CCDC187: variants seen among roughly 807,000 people sequenced by gnomAD.
CCDC187 encodes the protein coiled-coil domain containing 187, also known as coiled-coil domain-containing protein 187.
Under a neutral mutation model 38.0 loss-of-function variants are expected in CCDC187, and 32 were observed. That is an observed-to-expected ratio of 0.84 (90% confidence interval 0.64 to 1.13). The LOEUF is 1.13. CCDC187 is among the 50% of genes most tolerant of loss of function. The probability of loss-of-function intolerance (pLI) is 0.00; values close to 1 mark genes in which losing one functional copy is unlikely to be tolerated. For missense variants in CCDC187, 707 were observed against 786.8 expected, an observed-to-expected ratio of 0.90 and a Z score of 1.21; for synonymous variants, 333 against 347.9, an observed-to-expected ratio of 0.96 and a Z score of 0.48.
chr9:136,254,573 G>C lies in CCDC187; in HGVS notation c.5255C>G (p.Ser1752Ter). ...TTTGCTGGAGGCCTCTGACAGCTCTGACCCTGACCTTGGAGAGGGGATGTC... is the reference window on the plus strand; with the variant it reads ...TTTGCTGGAGGCCTCTGACAGCTCTCACCCTGACCTTGGAGAGGGGATGTC... ...FPDIPSPRSG[S>*]ELSEASSKVW... The change falls in exon 26 of 26, where the codon TCA (serine) becomes TGA (stop). Residue 1752 changes from serine (S) to a stop codon, truncating the protein, a stop_gained. Transcript: ENST00000638797. LOFTEE classifies it low-confidence loss of function (END_TRUNC). The C allele has an allele frequency of 4.1e-6, 4 of 985,566 alleles. No homozygotes were observed. The highest frequency in any genetic ancestry group is 4.8e-6 in the Non-Finnish European group (4 of 830,042). The allele number at this position is 985,566 out of a possible 1,614,324, so 61.1% of individuals were successfully genotyped here.
intron 10 of CCDC187, among the ~76,000 whole-genome samples, chr9:136,278,032 G>A (rs1451149208): frequency 6.6e-6 from 1 of 152,156 alleles, no homozygotes; most frequent in Non-Finnish European, 1.5e-5. Flanking sequence ...GCCACCTGGC[G>A]TGCACTGAGC....
In CCDC187 at chr9:136,289,912, C is replaced by CA. The variant is rs1295496177; in HGVS notation, c.2222+46_2222+47insT. On this transcript the variant is annotated intron_variant, in intron 7 of 25. Transcript: ENST00000638797. ...GCACCCAGAACTGTTCTTGGCCCCC[C>CA]CCAAGGCCCCGCCCGGCATGTGCAG... 63 of 392,190 alleles carry CA rather than the reference C, an allele frequency of 1.6e-4. No homozygotes were observed. The Admixed American group carries it at 1.7e-3, about 10-fold the overall frequency. The allele number at this position is 392,190 out of a possible 1,614,324, so 24.3% of individuals were successfully genotyped here.
In CCDC187 at chr9:136,256,276, C is replaced by T. The variant is rs1174729092; in HGVS notation, c.4551G>A (p.Leu1517=). The change falls in exon 24 of 26, where the codon CTG becomes CTA. Residue 1517 remains leucine (L), a synonymous_variant. Transcript: ENST00000638797. ...SMSEEGLESG[L]DFAESPVEES... is the part of the protein sequence containing the mutation. Reference sequence around the variant, plus strand: ...CCTCCACGGGGCTCTCAGCAAAATCCAGCCCCGATTCCAAGCCCTCTTCGC... The same window carrying T: ...CCTCCACGGGGCTCTCAGCAAAATCTAGCCCCGATTCCAAGCCCTCTTCGC... The T allele has an allele frequency of 1.0e-6, 1 of 985,488 alleles. No homozygotes were observed. Among genetic ancestry groups the T allele is most frequent in the Admixed American group, 6.1e-5 (1 of 16,272 alleles). 61.0% of individuals were successfully genotyped at this position (985,488 alleles called of 1,614,324 possible). A position where few individuals can be genotyped will look rare whatever the true frequency, so the allele number is the denominator to read the frequency against.
chr9:136,294,110 TCACA>T (rs1175055748), intron 4 of CCDC187, among the ~76,000 whole-genome samples: 26 of 52,226 alleles, frequency 5.0e-4, no homozygotes, highest in East Asian at 2.0e-3. Context: ...GTGCTCACAC[TCACA>T]CACTCTCACA....
At chr9:136,285,657 G>A (rs1322642266) in intron 8 of CCDC187, 51 bp from the exon 9 acceptor site, 3 of 399,504 alleles carry the variant, frequency 7.5e-6, no homozygotes, top group African/African-American at 6.2e-5. Flanking sequence ...GGGAGCACGG[G>A]ACGGGGGACC....
upstream of CCDC187, among the ~76,000 whole-genome samples, chr9:136,305,808 C>T (rs969552675): frequency 6.2e-4 from 95 of 152,356 alleles, no homozygotes; most frequent in Admixed American, 1.8e-3. Flanking sequence ...CGAGGTCCTG[C>T]GAGTTGCCCC....
Position 136,265,769 on chromosome 9 carries a change from G to T in CCDC187, c.3735+187C>A, listed in dbSNP as rs368155084. ...TACAGGACCACGCTCCACCCTGGCC[G>T]TGATGCCCTCTTGGGCCGTGGACAC... On this transcript the variant is annotated intron_variant, in intron 17 of 25. Transcript: ENST00000638797. The T allele has an allele frequency of 2.2e-4, 36 of 167,186 alleles. No homozygotes were observed. The Middle Eastern group carries it at 0.012, about 57-fold the overall frequency. The allele number at this position is 167,186 out of a possible 1,614,324, so 10.4% of individuals were successfully genotyped here. A position where few individuals can be genotyped will look rare whatever the true frequency, so the allele number is the denominator to read the frequency against.
At chr9:136,290,185 G>A (rs1454634956) in intron 6 of CCDC187, 132 bp from the exon 7 acceptor site, 6 of 397,540 alleles carry the variant, frequency 1.5e-5, no homozygotes, top group Admixed American at 8.8e-5. Flanking sequence ...TGCAGGAATC[G>A]GGGTCCCACT....
At chr9:136,298,232 CTG>C (rs1831582981) in intron 3 of CCDC187, among the ~76,000 whole-genome samples, 2 of 152,200 alleles carry the variant, frequency 1.3e-5, no homozygotes, top group African/African-American at 4.8e-5. Flanking sequence ...GAATGAATGA[CTG>C]GACGGGCCAG....
chr9:136,277,930 C>T (rs1830964902), intron 10 of CCDC187, among the ~76,000 whole-genome samples: 1 of 152,194 alleles, frequency 6.6e-6, no homozygotes, highest in Admixed American at 6.5e-5. Context: ...GCAGCTCAGC[C>T]ATGAACCACA....
rs1260113686 is a variant in CCDC187, at chr9:136,250,543, A to T, written c.*3051T>A. The T allele has an allele frequency of 2.9e-6, 1 of 349,262 alleles. No homozygotes were observed. Among genetic ancestry groups the T allele is most frequent in the South Asian group, 2.2e-5 (1 of 46,116 alleles). 21.6% of individuals were successfully genotyped at this position (349,262 alleles called of 1,614,324 possible). On this transcript the variant is annotated 3_prime_UTR_variant, in exon 26 of 26. Coordinates refer to ENST00000638797, the MANE Select transcript of CCDC187 (RefSeq NM_001378188.1). ...ATAAATCCAAAAGGGTCAGCAATAAATGGAAAAAAATAAAAAATCACAGAC... is the reference window on the plus strand; with the variant it reads ...ATAAATCCAAAAGGGTCAGCAATAATTGGAAAAAAATAAAAAATCACAGAC...
upstream of CCDC187, among the ~76,000 whole-genome samples, chr9:136,306,310 A>C (rs949290329): frequency 6.6e-5 from 10 of 152,060 alleles, no homozygotes; most frequent in Non-Finnish European, 1.0e-4. Context: ...CCGCAGCCAC[A>C]CTGCTCTCTC....
chr9:136,250,803 C>T lies in CCDC187; in HGVS notation c.*2791G>A, dbSNP rs986003785. On this transcript the variant is annotated 3_prime_UTR_variant, in exon 26 of 26. Coordinates refer to ENST00000638797, the MANE Select transcript of CCDC187 (RefSeq NM_001378188.1). ...ACAGGCCGGCCATTGTTAACGGCAC[C>T]TGGGGCTAAGCAGCCGCCCCGGGGC... is the stretch of plus-strand genomic sequence containing the variant. 6.6e-6 allele frequency: 3 copies of T among 456,204 alleles called. No homozygotes were observed. The highest frequency in any genetic ancestry group is 1.3e-5 in the Non-Finnish European group (3 of 226,966). 28.3% of individuals were successfully genotyped at this position (456,204 alleles called of 1,614,324 possible).
chr9:136,295,581 C>G (rs1306716633), intron 4 of CCDC187, among the ~76,000 whole-genome samples: 4 of 152,184 alleles, frequency 2.6e-5, no homozygotes, highest in African/African-American at 7.2e-5. Flanking sequence ...TATTTTATAA[C>G]TATTGTGATT....
intron 19 of CCDC187, among the ~76,000 whole-genome samples, chr9:136,261,854 A>G (rs1056319334): frequency 1.3e-5 from 2 of 152,206 alleles, no homozygotes; most frequent in Admixed American, 6.5e-5. Context: ...CAAAGGAGAG[A>G]AGGCCTCCTC....
Position 136,250,342 on chromosome 9 carries a change from G to A in CCDC187, c.*3252C>T, listed in dbSNP as rs1487452787. On this transcript the variant is annotated 3_prime_UTR_variant, in exon 26 of 26. Transcript: ENST00000638797. ...CTGGGCTCCCAGGGAAAGTCACGCT[G>A]GTTCCAGCTGTGACTGCAGCCGCCA... 13 of 184,154 alleles carry A rather than the reference G, an allele frequency of 7.1e-5. No individual in the cohort carries two copies. The highest frequency in any genetic ancestry group is 1.9e-4 in the South Asian group (2 of 10,714). The allele number at this position is 184,154 out of a possible 1,614,324, so 11.4% of individuals were successfully genotyped here. A position where few individuals can be genotyped will look rare whatever the true frequency, so the allele number is the denominator to read the frequency against.
intron 10 of CCDC187, among the ~76,000 whole-genome samples, chr9:136,280,115 TTCCTGGC>T (rs1831010165): frequency 6.6e-6 from 1 of 152,282 alleles, no homozygotes. Flanking sequence ...CACGGGGGCC[TTCCTGGC>T]TCTGAACTGC....
At position 136,251,205 on chromosome 9, in the gene CCDC187, G is replaced by A. The variant is rs1007667577; in HGVS notation, c.*2389C>T. The A allele has an allele frequency of 1.5e-4, 51 of 346,234 alleles. No homozygotes were observed. The highest frequency in any genetic ancestry group is 8.7e-4 in the Middle Eastern group (1 of 1,152). 21.4% of individuals were successfully genotyped at this position (346,234 alleles called of 1,614,324 possible). ...CAAGAAGAGACCCTCAGATTCAAAAGGGTCCCAGAGAAATTACAGGGGTCC... is the reference window on the plus strand; with the variant it reads ...CAAGAAGAGACCCTCAGATTCAAAAAGGTCCCAGAGAAATTACAGGGGTCC... On this transcript the variant is annotated 3_prime_UTR_variant, in exon 26 of 26. Transcript: ENST00000638797.
At position 136,258,543 on chromosome 9, in the gene CCDC187, G is replaced by T. The variant is rs73670216; in HGVS notation, c.4366+389C>A. Reference sequence around the variant, plus strand: ...TGCAAATTGGGGACTTGGCTCTCGGGGGGGGCCCCGGCCAAGTGTAAGGTT... The same window carrying T: ...TGCAAATTGGGGACTTGGCTCTCGGTGGGGGCCCCGGCCAAGTGTAAGGTT... On this transcript the variant is annotated intron_variant, in intron 22 of 25. Transcript: ENST00000638797. This position sits in a 1 kb window ranked among gnomAD's most constrained non-coding sequence, Gnocchi z 4.3. Among the ~76,000 whole-genome samples, 268 of 152,232 alleles carry T rather than the reference G, an allele frequency of 1.8e-3. No homozygotes were observed. The highest frequency in any genetic ancestry group is 5.9e-3 in the African/African-American group (243 of 41,538).
Sources: allele counts gnomAD v4.1 joint callset (sites outside exome capture counted in the v4.1 genomes callset), GRCh38; gene constraint gnomAD v4.1.1; non-coding constraint Gnocchi (gnomAD v3.1); transcripts MANE v1.5; gene names NCBI Gene and HGNC (gene_info 2026-07-23, HGNC 2026-07-21).